The following SLC26A8 variants were observed in gnomAD, a reference collection of about 807,000 sequenced individuals.
SLC26A8 encodes the protein testis anion transporter 1.
In SLC26A8, 70 loss-of-function variants were observed where a neutral mutation model predicts 105.0. The ratio of observed to expected loss-of-function variants is 0.67; its 90% CI spans 0.55 to 0.81. The LOEUF is 0.81. Among genes scored for constraint, SLC26A8 ranks in the 40% least tolerant of loss-of-function variants. SLC26A8 has a pLI of 0.00. For missense variants in SLC26A8, 998 were observed against 1,181.8 expected (o/e 0.84, Z 2.28); for synonymous variants, 415 against 438.3 (o/e 0.95, Z 0.66).
At chr6:35,965,038 C>A (rs1772454803) in intron 11 of SLC26A8, among the ~76,000 whole-genome samples, 1 of 151,220 alleles carries the variant, frequency 6.6e-6, no homozygotes, top group South Asian at 2.1e-4. Flanking sequence ...TGTAGACAAC[C>A]TAATTTTCCA....
At chr6:35,950,284 CA>C (rs1319118946) in intron 19 of SLC26A8, among the ~76,000 whole-genome samples, 2 of 151,276 alleles carry the variant, frequency 1.3e-5, no homozygotes, top group Non-Finnish European at 2.9e-5. Flanking sequence ...AAAGTAGGCC[CA>C]GGTCTCAGTA....
intron 11 of SLC26A8, among the ~76,000 whole-genome samples, chr6:35,964,743 A>G (rs1191256142): frequency 6.6e-6 from 1 of 152,042 alleles, no homozygotes; most frequent in Non-Finnish European, 1.5e-5. Context: ...AGGTGAGTGG[A>G]TCATTTGAGG....
chr6:36,005,914 AG>A (rs1056205846), intron 3 of SLC26A8, among the ~76,000 whole-genome samples: 2 of 152,172 alleles, frequency 1.3e-5, no homozygotes, highest in African/African-American at 4.8e-5. Flanking sequence ...ACTGTAAGGA[AG>A]ATCCAGCACC....
At chr6:36,004,074 CTTTT>C (rs1184419646) in intron 3 of SLC26A8, among the ~76,000 whole-genome samples, 4 of 114,400 alleles carry the variant, frequency 3.5e-5, no homozygotes, top group East Asian at 2.5e-4. Flanking sequence ...TTTATTTCTG[CTTTT>C]TTTTTTTTTT....
chr6:35,977,661 C>A (rs1464117970), intron 8 of SLC26A8, among the ~76,000 whole-genome samples: 3 of 152,160 alleles, frequency 2.0e-5, no homozygotes, highest in African/African-American at 7.2e-5. Context: ...TGTTTGAGGC[C>A]ATACCAATAG....
At chr6:35,972,579 G>T (rs1412817984) in intron 10 of SLC26A8, among the ~76,000 whole-genome samples, 2 of 152,138 alleles carry the variant, frequency 1.3e-5, no homozygotes, top group Non-Finnish European at 2.9e-5. Flanking sequence ...GCTTGAGCCA[G>T]GGATTTGCAA....
chr6:35,997,673 G>T, intron 5 of SLC26A8, 65 bp downstream of exon 5: 1 of 1,481,634 alleles, frequency 6.7e-7, no homozygotes, highest in Non-Finnish European at 9.2e-7. Context: ...GCAGTATAAG[G>T]AAGGGGTCTG....
chr6:35,975,913 C>CA (rs34783824), intron 9 of SLC26A8, among the ~76,000 whole-genome samples: 14,676 of 80,630 alleles, frequency 0.18, 1,164 homozygotes, highest in East Asian at 0.44. Flanking sequence ...AACTCCATCT[C>CA]AAAAAAAAAA....
chr6:35,976,030 A>G (rs1351243797), intron 9 of SLC26A8, among the ~76,000 whole-genome samples: 1 of 152,200 alleles, frequency 6.6e-6, no homozygotes, highest in East Asian at 1.9e-4. Flanking sequence ...CAAGGTGAGA[A>G]AATGAGACTC....
In SLC26A8 at chr6:35,955,282, G is replaced by A. The variant is rs772520541; in HGVS notation, c.2102C>T (p.Ala701Val). The change falls in exon 17 of 20, where the codon GCG (alanine) becomes GTG (valine). Residue 701 changes from alanine to valine, a missense_variant. By Grantham distance (64) the Ala-to-Val change is moderately conservative. Coordinates refer to ENST00000490799, the MANE Select transcript of SLC26A8 (RefSeq NM_052961.4). ...RNSSPGLPDV[A>V]ESQGRRSLIP... ...GAGTGATCTCCTCCCCTGGCTTTCC[G>A]CCACATCAGGCAGTCCTGGTGAGCT... is the stretch of plus-strand genomic sequence containing the variant. The A allele has an allele frequency of 1.1e-5, 17 of 1,614,156 alleles. No individual in the cohort carries two copies. Among genetic ancestry groups the A allele is most frequent in the East Asian group, 4.5e-5 (2 of 44,884 alleles).
chr6:35,951,103 C>G, intron 19 of SLC26A8, 60 bp downstream of exon 19: 1 of 1,459,056 alleles, frequency 6.9e-7, no homozygotes, highest in East Asian at 2.4e-5. Context: ...CACCCCTCAC[C>G]CATCCCCCCA....
intron 17 of SLC26A8, among the ~76,000 whole-genome samples, chr6:35,953,718 A>C (rs1414544320): frequency 2.0e-5 from 3 of 152,222 alleles, no homozygotes; most frequent in African/African-American, 7.2e-5. Context: ...AATCTCTTCC[A>C]AACCTCTCAT....
At chr6:35,958,683 G>A (rs1256020926) in intron 16 of SLC26A8, among the ~76,000 whole-genome samples, 2 of 152,052 alleles carry the variant, frequency 1.3e-5, no homozygotes, top group East Asian at 3.9e-4. Flanking sequence ...GATGCTCAGG[G>A]TTTTGCAAGC....
intron 19 of SLC26A8, 134 bp downstream of exon 19, chr6:35,951,029 C>T (rs1771847206): frequency 6.7e-6 from 6 of 893,610 alleles, no homozygotes; most frequent in Non-Finnish European, 1.0e-5. Flanking sequence ...TACAGCCATA[C>T]TAAATACCTT....
chr6:35,995,756 C>T (rs1368832753), intron 5 of SLC26A8, among the ~76,000 whole-genome samples: 3 of 152,150 alleles, frequency 2.0e-5, no homozygotes, highest in South Asian at 2.1e-4. Flanking sequence ...AGCAATCCTC[C>T]TGCTTCAGTC....
chr6:36,018,940 T>G (rs1036243544), intron 2 of SLC26A8, among the ~76,000 whole-genome samples: 1 of 152,166 alleles, frequency 6.6e-6, no homozygotes, highest in Non-Finnish European at 1.5e-5. Context: ...TTATTTATTT[T>G]TTTTGAGACA....
Position 35,943,730 on chromosome 6 carries a change from G to T in SLC26A8, c.*170C>A. Reference sequence around the variant, plus strand: ...TGTTGGCATTTAGTAATGTGATTTGGGAGTATGATCCCAGCGCAGAGCAAG... The same window carrying T: ...TGTTGGCATTTAGTAATGTGATTTGTGAGTATGATCCCAGCGCAGAGCAAG... On this transcript the variant is annotated 3_prime_UTR_variant, in exon 20 of 20. Coordinates refer to ENST00000490799, the MANE Select transcript of SLC26A8 (RefSeq NM_052961.4). 1 of 906,114 alleles carries T rather than the reference G, an allele frequency of 1.1e-6. No individual in the cohort carries two copies. 56.1% of individuals were successfully genotyped at this position (906,114 alleles called of 1,614,324 possible).
chr6:36,009,814 C>T (rs1200227959), intron 3 of SLC26A8, among the ~76,000 whole-genome samples: 3 of 152,128 alleles, frequency 2.0e-5, no homozygotes, highest in Admixed American at 2.0e-4. Context: ...GAGACTGAAC[C>T]ATAGCTTTGC....
At chr6:36,021,168 A>T (rs1411662323) in intron 1 of SLC26A8, among the ~76,000 whole-genome samples, 2 of 152,236 alleles carry the variant, frequency 1.3e-5, no homozygotes, top group Non-Finnish European at 2.9e-5. Flanking sequence ...ACAACCATGA[A>T]CTAAAGATCA....
Sources: allele counts gnomAD v4.1 joint callset (sites outside exome capture counted in the v4.1 genomes callset), GRCh38; gene constraint gnomAD v4.1.1; transcripts MANE v1.5; gene names NCBI Gene and HGNC (gene_info 2026-07-23, HGNC 2026-07-21).